CELF2: variants seen among roughly 807,000 people sequenced by gnomAD.
CELF2 encodes CUG triplet repeat RNA-binding protein 2.
Under a neutral mutation model 62.6 loss-of-function variants are expected in CELF2, and 8 were observed. The ratio of observed to expected loss-of-function variants is 0.13; its 90% confidence interval spans 0.07 to 0.23. The LOEUF is 0.23. Among genes scored for constraint, CELF2 ranks in the 10% least tolerant of loss-of-function variants. CELF2 has a pLI of 1.00. For missense variants in CELF2, 333 were observed against 671.0 expected, an observed-to-expected ratio of 0.50 and a Z score of 5.56; for synonymous variants, 258 against 250.0, an observed-to-expected ratio of 1.03 and a Z score of -0.30.
chr10:11,077,056 A>G (rs539028250), intron 1 of CELF2, among the ~76,000 whole-genome samples: 2 of 152,212 alleles, frequency 1.3e-5, no homozygotes, highest in Admixed American at 6.5e-5. Flanking sequence ...CTGGGCTTCA[A>G]TTTCCTCCCC....
At chr10:10,713,850 C>T in the CELF2 span, among the ~76,000 whole-genome samples, 4 of 152,164 alleles carry the variant, frequency 2.6e-5, no homozygotes, top group Admixed American at 6.6e-5. Context: ...GCCTGGCCAA[C>T]GTGGTGAAAC....
rs1258847885 is a variant in CELF2, at chr10:11,319,614, C to G, written c.1097-1575C>G. On this transcript the variant is annotated intron_variant, in intron 10 of 12. Coordinates refer to ENST00000633077, the MANE Select transcript of CELF2 (RefSeq NM_001326342.2). This position sits in a 1 kb window ranked among gnomAD's most constrained non-coding sequence, Gnocchi z 4.4. Reference sequence around the variant, plus strand: ...GAAACAAAAGCAGACACAGCAGGGCCTCAGCTGGCAACACCTCTGAACTGA... The same window carrying G: ...GAAACAAAAGCAGACACAGCAGGGCGTCAGCTGGCAACACCTCTGAACTGA... Among the ~76,000 whole-genome samples the G allele has an allele frequency of 6.6e-6, 1 of 152,058 alleles. No individual in the cohort carries two copies. The highest frequency in any genetic ancestry group is 1.5e-5 in the Non-Finnish European group (1 of 68,018).
the CELF2 span, among the ~76,000 whole-genome samples, chr10:10,717,756 T>A: frequency 6.6e-6 from 1 of 152,124 alleles, no homozygotes. Flanking sequence ...AGGAATTATG[T>A]GATGTTCTAC....
chr10:10,926,306 TG>T (rs2065451624), intron 2 of CELF2, among the ~76,000 whole-genome samples: 1 of 152,108 alleles, frequency 6.6e-6, no homozygotes, highest in Non-Finnish European at 1.5e-5. Context: ...AAAGGGCTTG[TG>T]GGGGCAGATT....
the CELF2 span, among the ~76,000 whole-genome samples, chr10:10,669,855 T>C: frequency 6.6e-6 from 1 of 152,292 alleles, no homozygotes; most frequent in Middle Eastern, 3.4e-3. Context: ...TTTTTGTGTT[T>C]GATTGCATGC....
chr10:11,019,795 C>G (rs561006449), intron 1 of CELF2, among the ~76,000 whole-genome samples: 1 of 152,112 alleles, frequency 6.6e-6, no homozygotes, highest in South Asian at 2.1e-4. Context: ...CTGTCCTGTC[C>G]CCCATCTTAA....
rs1415042768 is a variant in CELF2, at chr10:10,807,403, C to T, written c.53+8586C>T. Among the ~76,000 whole-genome samples the T allele has an allele frequency of 3.3e-5, 5 of 152,212 alleles. No individual in the cohort carries two copies. The South Asian group carries it at 1.0e-3, about 32-fold the overall frequency. On this transcript the variant is annotated intron_variant, in intron 1 of 13. Coordinates refer to the CELF2 transcript ENST00000636488. ...GATCCTTAAATATGTCTGGTCATAT[C>T]TGATTTTATGTGTCATTCTCAAATA... is the stretch of plus-strand genomic sequence containing the variant.
chr10:10,524,402 G>A, the CELF2 span, among the ~76,000 whole-genome samples: 4 of 150,074 alleles, frequency 2.7e-5, no homozygotes, highest in African/African-American at 9.8e-5. Context: ...GCTACAGTTA[G>A]GCCCTATCTA....
At chr10:10,823,623 A>T (rs931482419) in intron 1 of CELF2, among the ~76,000 whole-genome samples, 2 of 152,344 alleles carry the variant, frequency 1.3e-5, no homozygotes, top group East Asian at 3.9e-4. Context: ...AAATGTAAAA[A>T]ACATCAACAT....
chr10:11,140,408 G>A (rs116203908), intron 1 of CELF2, among the ~76,000 whole-genome samples: 1,772 of 151,820 alleles, frequency 0.012, 29 homozygotes, highest in African/African-American at 0.04. Flanking sequence ...GCCCAACTCC[G>A]TCTTTAGACA....
At position 11,117,573 on chromosome 10, in the gene CELF2, C is replaced by G. The variant is rs758636038; in HGVS notation, c.75-47913C>G. Among the ~76,000 whole-genome samples the G allele has an allele frequency of 4.6e-5, 7 of 152,118 alleles. No individual in the cohort carries two copies. The highest frequency in any genetic ancestry group is 1.0e-4 in the Non-Finnish European group (7 of 68,026). The stretch of plus-strand genomic sequence containing the variant: ...GCCTCTTAGGGGTTTTTATGTCTGA[C>G]TCCATAATATTTATGATAAAAACAA... On this transcript the variant is annotated intron_variant, in intron 1 of 12. Coordinates refer to ENST00000633077, the MANE Select transcript of CELF2 (RefSeq NM_001326342.2). The surrounding 1 kb of genome is among the most constrained non-coding windows in gnomAD (Gnocchi z 4.1).
At chr10:11,107,774 C>A (rs1001837086) in intron 1 of CELF2, among the ~76,000 whole-genome samples, 1 of 149,586 alleles carries the variant, frequency 6.7e-6, no homozygotes, top group Non-Finnish European at 1.5e-5. Context: ...TTTGCTTCCT[C>A]TCATTCTTCC....
the CELF2 span, among the ~76,000 whole-genome samples, chr10:10,495,000 G>A: frequency 6.6e-6 from 1 of 152,088 alleles, no homozygotes; most frequent in South Asian, 2.1e-4. Flanking sequence ...TTTGTGGCCA[G>A]GTGCAATGGT....
At chr10:11,288,640 A>G in intron 9 of CELF2, 88 bp downstream of exon 9, 3 of 1,458,848 alleles carry the variant, frequency 2.1e-6, no homozygotes, top group Non-Finnish European at 2.8e-6. Flanking sequence ...GGGTGAGGCT[A>G]GACGTGTCCA....
the CELF2 span, among the ~76,000 whole-genome samples, chr10:10,708,018 A>G: frequency 6.6e-6 from 1 of 152,234 alleles, no homozygotes; most frequent in African/African-American, 2.4e-5. Context: ...GAGAACGGTG[A>G]CATTTCACCA....
chr10:10,705,366 T>G, the CELF2 span, among the ~76,000 whole-genome samples: 1 of 134,038 alleles, frequency 7.5e-6, no homozygotes, highest in African/African-American at 2.8e-5. Context: ...CCTTCCCTAT[T>G]AAAAAAAAAA....
At chr10:10,851,583 G>A (rs1387997794) in intron 1 of CELF2, among the ~76,000 whole-genome samples, 1 of 152,072 alleles carries the variant, frequency 6.6e-6, no homozygotes, top group Non-Finnish European at 1.5e-5. Context: ...TTGATAAATT[G>A]GACCTCATTG....
chr10:11,125,492 A>C (rs1002866925), intron 1 of CELF2, among the ~76,000 whole-genome samples: 4 of 152,114 alleles, frequency 2.6e-5, no homozygotes, highest in African/African-American at 9.7e-5. Context: ...CTCAGAGAGG[A>C]GAGCTCAACC....
At chr10:10,621,453 G>A in the CELF2 span, among the ~76,000 whole-genome samples, 1 of 152,072 alleles carries the variant, frequency 6.6e-6, no homozygotes, top group Admixed American at 6.6e-5. Context: ...GCGTAGCATA[G>A]GTCTCCACCC....
Sources: gnomAD v4.1 joint callset for allele counts (sites outside exome capture counted in the v4.1 genomes callset) on GRCh38, gnomAD v4.1.1 for gene constraint, Gnocchi (gnomAD v3.1) non-coding constraint, MANE v1.5 for transcripts, NCBI Gene and HGNC (gene_info 2026-07-23, HGNC 2026-07-21) for gene names.